The following CCDC7 variants were observed in gnomAD, a reference collection of about 807,000 sequenced individuals.
CCDC7 encodes the protein coiled-coil domain-containing protein 7.
CCDC7 carries 183 observed loss-of-function variants against 196.9 expected under a neutral mutation model. That is an observed-to-expected ratio of 0.93 (90% CI 0.82 to 1.05). The LOEUF is 1.05. Among genes scored for constraint, CCDC7 ranks in the 50% least tolerant of loss-of-function variants. The probability of loss-of-function intolerance (pLI) is 0.00; values close to 1 mark genes in which losing one functional copy is unlikely to be tolerated. For missense variants in CCDC7, 1,540 were observed against 1,482.2 expected (o/e 1.04, Z -0.64); for synonymous variants, 525 against 484.6 (o/e 1.08, Z -1.10).
chr10:32,757,459 C>T (rs73243826), intron 28 of CCDC7, among the ~76,000 whole-genome samples: 13,848 of 152,184 alleles, frequency 0.091, 1,094 homozygotes, highest in African/African-American at 0.21. Context: ...CACTCAAAAC[C>T]GCCCAGCTAC....
chr10:32,515,552 AT>A (rs959649962), intron 9 of CCDC7, among the ~76,000 whole-genome samples: 18 of 150,984 alleles, frequency 1.2e-4, no homozygotes, highest in African/African-American at 1.9e-4. Context: ...TTTTATTTTT[AT>A]TTTTTTTTGA....
intron 29 of CCDC7, among the ~76,000 whole-genome samples, chr10:32,802,401 C>T (rs1456203421): frequency 6.6e-6 from 1 of 152,116 alleles, no homozygotes; most frequent in African/African-American, 2.4e-5. Flanking sequence ...GTTCTCCATA[C>T]TATTAGAAGT....
chr10:32,490,761 G>A (rs1195342592), intron 8 of CCDC7, among the ~76,000 whole-genome samples: 1 of 151,926 alleles, frequency 6.6e-6, no homozygotes, highest in African/African-American at 2.4e-5. Flanking sequence ...TCGCGCCACT[G>A]CACTCCAGCC....
upstream of CCDC7, chr10:32,451,578 AT>A (rs1409898061): frequency 8.6e-6 from 13 of 1,513,328 alleles, no homozygotes; most frequent in East Asian, 2.3e-5. Context: ...TGAATCTCTT[AT>A]TTTTTTTCAC....
chr10:32,711,763 T>C lies in CCDC7; in HGVS notation c.2569+33T>C, dbSNP rs368865367. 183 of 1,293,000 alleles carry C rather than the reference T, an allele frequency of 1.4e-4. No individual in the cohort carries two copies. The African/African-American group carries it at 2.6e-3, about 18-fold the overall frequency. The allele number at this position is 1,293,000 out of a possible 1,614,324, so 80.1% of individuals were successfully genotyped here. ...TAATGATGATAGCTATTTTATATTA[T>C]TTTAAGTAAATCTCAAAAGAACTTT... On this transcript the variant is annotated intron_variant, in intron 25 of 41. Transcript: ENST00000639629.
At position 32,592,440 on chromosome 10, in the gene CCDC7, T is replaced by C. The variant is rs183265293; in HGVS notation, c.1801+8136T>C. 7.4e-3 allele frequency among the ~76,000 whole-genome samples: 1,130 copies of C among 152,282 alleles called. 12 individuals carry two copies. The highest frequency in any genetic ancestry group is 0.011 in the Admixed American group (169 of 15,300). On this transcript the variant is annotated intron_variant, in intron 18 of 41. Transcript: ENST00000639629. ...TAAAGTTAGGTTGTTTATTTGAGAT[T>C]TTCTTTTTAATGTGTGTCTACAGCT...
intron 3 of CCDC7, among the ~76,000 whole-genome samples, chr10:32,457,785 A>G (rs1225974062): frequency 6.6e-6 from 1 of 152,044 alleles, no homozygotes; most frequent in African/African-American, 2.4e-5. Context: ...ATGATTAGTG[A>G]TGATGAGCAT....
At chr10:32,447,652 A>G (rs1400686822), upstream of CCDC7, among the ~76,000 whole-genome samples, 1 of 152,188 alleles carries the variant, frequency 6.6e-6, no homozygotes, top group Non-Finnish European at 1.5e-5. Flanking sequence ...GTGTAATCCC[A>G]GCACTTTGGG....
At chr10:32,854,918 CTA>C (rs146751736) in intron 41 of CCDC7, among the ~76,000 whole-genome samples, 10,922 of 152,106 alleles carry the variant, frequency 0.072, 588 homozygotes, top group South Asian at 0.25. Flanking sequence ...GATTGCATTT[CTA>C]TAAAAAAGAA....
At chr10:32,592,615 A>T (rs2059886163) in intron 18 of CCDC7, among the ~76,000 whole-genome samples, 2 of 152,100 alleles carry the variant, frequency 1.3e-5, no homozygotes, top group Admixed American at 1.3e-4. Context: ...TTTGTTACAT[A>T]TGTATACATG....
In CCDC7 at chr10:32,517,942, C is replaced by A; in HGVS notation, c.873-3C>A. On this transcript the variant is annotated splice_region_variant and splice_polypyrimidine_tract_variant and intron_variant, in intron 9 of 41. Coordinates refer to ENST00000639629, the Ensembl canonical transcript of CCDC7. ...AACACACTTTTTTTGGTTTATTTTT[C>A]AGAGCTGTAAATGATCAAGTTTTGT... The A allele has an allele frequency of 6.3e-7, 1 of 1,588,258 alleles. No individual in the cohort carries two copies. The highest frequency in any genetic ancestry group is 1.2e-5 in the South Asian group (1 of 86,814).
At chr10:32,629,046 T>G (rs770489475) in intron 18 of CCDC7, among the ~76,000 whole-genome samples, 1 of 152,140 alleles carries the variant, frequency 6.6e-6, no homozygotes, top group East Asian at 1.9e-4. Flanking sequence ...GTCCAGTGTT[T>G]CGTTATTAAT....
intron 24 of CCDC7, among the ~76,000 whole-genome samples, chr10:32,708,741 C>A (rs895718148): frequency 6.6e-6 from 1 of 152,186 alleles, no homozygotes; most frequent in Non-Finnish European, 1.5e-5. Context: ...CACTGGCCGT[C>A]AGAGAAATGC....
intron 28 of CCDC7, among the ~76,000 whole-genome samples, chr10:32,773,795 T>C (rs755648568): frequency 2.0e-5 from 3 of 152,158 alleles, no homozygotes; most frequent in Non-Finnish European, 4.4e-5. Context: ...CAGGTGTTTT[T>C]GATAGTGTTA....
rs147367958 is a variant in CCDC7 at position 32,710,231 on chromosome 10, C to T, written c.2459-1389C>T. On this transcript the variant is annotated intron_variant, in intron 24 of 41. Transcript: ENST00000639629. ...CAAATAATCCATGCCTCTAAATTCTCCTAGATCACACAGGAAAGCAATCCC... is the reference window on the plus strand; with the variant it reads ...CAAATAATCCATGCCTCTAAATTCTTCTAGATCACACAGGAAAGCAATCCC... Among the ~76,000 whole-genome samples, 23 of 152,286 alleles carry T rather than the reference C, an allele frequency of 1.5e-4. 1 individual carries two copies. The highest frequency in any genetic ancestry group is 2.6e-4 in the Non-Finnish European group (18 of 68,024).
At chr10:32,674,717 A>G in intron 21 of CCDC7, among the ~76,000 whole-genome samples, 1 of 151,980 alleles carries the variant, frequency 6.6e-6, no homozygotes, top group African/African-American at 2.4e-5. Flanking sequence ...TACTTTTCTT[A>G]TGTATTTATG....
At chr10:32,678,970 A>G (rs1177714565) in intron 21 of CCDC7, among the ~76,000 whole-genome samples, 1 of 152,096 alleles carries the variant, frequency 6.6e-6, no homozygotes, top group Non-Finnish European at 1.5e-5. Flanking sequence ...CCATGATCTT[A>G]CTTACATCAA....
intron 24 of CCDC7, among the ~76,000 whole-genome samples, chr10:32,696,698 C>T (rs1295753197): frequency 6.6e-6 from 1 of 152,122 alleles, no homozygotes; most frequent in Non-Finnish European, 1.5e-5. Context: ...TTTGTGAGTC[C>T]TTATTGTTGG....
intron 29 of CCDC7, among the ~76,000 whole-genome samples, chr10:32,797,602 A>G (rs192944232): frequency 6.6e-6 from 1 of 152,206 alleles, no homozygotes; most frequent in Non-Finnish European, 1.5e-5. Context: ...AAATCTCACA[A>G]ATCACCACTA....
Sources: allele counts gnomAD v4.1 joint callset (sites outside exome capture counted in the v4.1 genomes callset), GRCh38; gene constraint gnomAD v4.1.1; transcripts MANE v1.5; gene names NCBI Gene and HGNC (gene_info 2026-07-23, HGNC 2026-07-21).